MIDN: variants seen among roughly 807,000 people sequenced by gnomAD.
The protein encoded by MIDN is midbrain nucleolar protein.
Under a neutral mutation model 46.1 loss-of-function variants are expected in MIDN, and 26 were observed. That is an observed-to-expected ratio of 0.56 (90% CI 0.41 to 0.78). The LOEUF is 0.78. Among genes scored for constraint, MIDN ranks in the 30% least tolerant of loss-of-function variants. The pLI is 0.00. For missense variants in MIDN, 850 were observed against 771.8 expected (o/e 1.10, Z -1.20); for synonymous variants, 432 against 343.3 (o/e 1.26, Z -2.86).
Position 1,257,219 on chromosome 19 carries a change from G to A in MIDN, c.1483G>A (p.Val495Met), listed in dbSNP as rs1344096619. 19 of 1,612,098 alleles carry A rather than the reference G, an allele frequency of 1.2e-5. No individual in the cohort carries two copies. The highest frequency in any genetic ancestry group is 1.0e-4 in the Admixed American group (6 of 59,990). ...SGLGLDFEDS[V>M]WKPEVNPDIK... ...CTTGGGCCTCGACTTCGAGGACTCC[G>A]TGTGGAAGCCAGAAGTCAACCCTGA... Residue 495 changes from valine to methionine, a missense_variant, in exon 9 of 9, where the codon GTG becomes ATG. Transcript: ENST00000682408.
chr19:1,254,082 G>T lies in MIDN; in HGVS notation c.513G>T (p.Gln171His). ...CAGAGAGGGGCGGCGAGAGGCCCCAGGTCACAGCGCGGGGGGACTGGGCCG... is the reference window on the plus strand; with the variant it reads ...CAGAGAGGGGCGGCGAGAGGCCCCATGTCACAGCGCGGGGGGACTGGGCCG... ...QSPERGGERP[Q>H]VSDFLSGRSP... The change falls in exon 5 of 9, where the codon CAG (glutamine) becomes CAT (histidine). Residue 171 changes from glutamine to histidine, a missense_variant and splice_region_variant. Physicochemically the swap from Gln to His is conservative, Grantham distance 24. Coordinates refer to ENST00000682408, the MANE Select transcript of MIDN (RefSeq NM_001388306.1). The T allele has an allele frequency of 6.7e-7, 1 of 1,500,746 alleles. No homozygotes were observed. Among genetic ancestry groups the T allele is most frequent in the Admixed American group, 2.3e-5 (1 of 43,116 alleles). 93.0% of individuals were successfully genotyped at this position (1,500,746 alleles called of 1,614,324 possible).
At chr19:1,249,854 A>C (rs962371970) in intron 1 of MIDN, 36 bp from the exon 2 acceptor site, 5 of 151,686 alleles carry the variant, frequency 3.3e-5, no homozygotes, top group Admixed American at 1.3e-4. Context: ...ACGTTGATAC[A>C]TTATAACTTT....
At chr19:1,255,106 C>G in intron 7 of MIDN, 45 bp downstream of exon 7, 1 of 1,584,266 alleles carries the variant, frequency 6.3e-7, no homozygotes, top group Non-Finnish European at 8.6e-7. Flanking sequence ...GTCCCGTGAC[C>G]CTGTGCATTT....
chr19:1,251,257 T>C (rs1599976065), intron 2 of MIDN: 1 of 357,554 alleles, frequency 2.8e-6, no homozygotes, highest in East Asian at 6.0e-5. Flanking sequence ...TGGGGGAAGG[T>C]GGCATAGAGC....
rs1385566141 is a variant in MIDN, at chr19:1,257,403, C to T, written c.*131C>T. On this transcript the variant is annotated 3_prime_UTR_variant, in exon 9 of 9. Transcript: ENST00000682408. ...CTCCCCCAGCCAGAAGTCTTTTTTT[C>T]TTTTCTTCTTTTTTATTATTTTTTT... 6.0e-6 allele frequency: 4 copies of T among 672,240 alleles called. No individual in the cohort carries two copies. Among genetic ancestry groups the T allele is most frequent in the Admixed American group, 3.3e-5 (1 of 30,588 alleles). The allele number at this position is 672,240 out of a possible 1,614,324, so 41.6% of individuals were successfully genotyped here.
At chr19:1,249,807 T>G (rs1489169655) in intron 1 of MIDN, 83 bp from the exon 2 acceptor site, 1 of 150,432 alleles carries the variant, frequency 6.6e-6, no homozygotes, top group African/African-American at 2.4e-5. Context: ...GCGGAGTAAG[T>G]AGTGAATGGG....
In MIDN at chr19:1,250,679, C is replaced by A. The variant is rs550769627; in HGVS notation, c.233+150C>A. Reference sequence around the variant, plus strand: ...CTCGGGCGCCCTCTGCTCGGCCTCGCCTGCCTCGGCCCCCTCCCCCGCCCG... The same window carrying A: ...CTCGGGCGCCCTCTGCTCGGCCTCGACTGCCTCGGCCCCCTCCCCCGCCCG... On this transcript the variant is annotated intron_variant, in intron 2 of 8. Transcript: ENST00000682408. 387 of 225,272 alleles carry A rather than the reference C, an allele frequency of 1.7e-3. 7 individuals carry two copies. Among genetic ancestry groups the A allele is most frequent in the African/African-American group, 8.7e-3 (369 of 42,656 alleles). The allele number at this position is 225,272 out of a possible 1,614,324, so 14.0% of individuals were successfully genotyped here.
chr19:1,255,791 C>T lies in MIDN; in HGVS notation c.1258+97C>T, dbSNP rs1049900311. On this transcript the variant is annotated intron_variant, in intron 8 of 8. Coordinates refer to ENST00000682408, the MANE Select transcript of MIDN (RefSeq NM_001388306.1). ...GGTGGGCTCAGGAGCAGCTGACCTG[C>T]CCAGGGGCTGGGGGGGATGGCAGCT... The T allele has an allele frequency of 1.3e-5, 16 of 1,219,436 alleles. No individual in the cohort carries two copies. In the Admixed American group the frequency reaches 3.7e-4, roughly 29 times the overall value. The allele number at this position is 1,219,436 out of a possible 1,614,324, so 75.5% of individuals were successfully genotyped here. A position where few individuals can be genotyped will look rare whatever the true frequency, so the allele number is the denominator to read the frequency against.
rs762221657 is a variant in MIDN, at chr19:1,257,098, C to T, written c.1362C>T (p.Asp454=). The T allele has an allele frequency of 1.9e-5, 30 of 1,611,856 alleles. No homozygotes were observed. The highest frequency in any genetic ancestry group is 1.6e-4 in the Middle Eastern group (1 of 6,082). ...QKRLRRKARR[D]ARGPYHWSPS... ...GGCTCCGTAGAAAGGCCCGGCGGGA[C>T]GCGCGGGGTCCGTACCACTGGTCAC... The change falls in exon 9 of 9, where the codon GAC becomes GAT. Residue 454 remains aspartate, a synonymous_variant. Coordinates refer to ENST00000682408, the MANE Select transcript of MIDN (RefSeq NM_001388306.1).
chr19:1,257,317 G>A lies in MIDN; in HGVS notation c.*45G>A, dbSNP rs764240371. ...CTCGCCCCTCGCACCCCAGCCCAGG[G>A]CGGCGGGGACTCCGAGAGCCCCGGA... On this transcript the variant is annotated 3_prime_UTR_variant, in exon 9 of 9. Transcript: ENST00000682408. The A allele has an allele frequency of 6.4e-7, 1 of 1,571,144 alleles. No homozygotes were observed. The highest frequency in any genetic ancestry group is 2.2e-5 in the East Asian group (1 of 44,586).
rs1599994716 is a variant in MIDN at position 1,257,649 on chromosome 19, C to T, written c.*377C>T. On this transcript the variant is annotated 3_prime_UTR_variant, in exon 9 of 9. Coordinates refer to ENST00000682408, the MANE Select transcript of MIDN (RefSeq NM_001388306.1). Reference sequence around the variant, plus strand: ...GGAGAGTGAAGGAGACGGAGAAACGCGCCCCATCCCTTCCGCCGCCTCCTT... The same window carrying T: ...GGAGAGTGAAGGAGACGGAGAAACGTGCCCCATCCCTTCCGCCGCCTCCTT... 3 of 221,604 alleles carry T rather than the reference C, an allele frequency of 1.4e-5. No individual in the cohort carries two copies. Among genetic ancestry groups the T allele is most frequent in the East Asian group, 1.2e-4 (1 of 8,312 alleles). The allele number at this position is 221,604 out of a possible 1,614,324, so 13.7% of individuals were successfully genotyped here.
In MIDN at chr19:1,257,378, C is replaced by CT; in HGVS notation, c.*107dup. ...CCCAGCCCTGGAGGGCAGGCGGCCA[C>CT]TCCCCCAGCCAGAAGTCTTTTTTTC... On this transcript the variant is annotated 3_prime_UTR_variant, in exon 9 of 9. Transcript: ENST00000682408. 1 of 817,456 alleles carries CT rather than the reference C, an allele frequency of 1.2e-6. No individual in the cohort carries two copies. 50.6% of individuals were successfully genotyped at this position (817,456 alleles called of 1,614,324 possible).
rs79696633 is a variant in MIDN, at chr19:1,255,081, T to C, written c.985+20T>C. On this transcript the variant is annotated intron_variant, in intron 7 of 8. Coordinates refer to ENST00000682408, the MANE Select transcript of MIDN (RefSeq NM_001388306.1). ...TCTCTGGTAGGTGTCACAGCACATG[T>C]GTGAGCTCACGTGTGTCCCGTGACC... 26,330 of 1,605,392 alleles carry C rather than the reference T, an allele frequency of 0.016. 1,495 individuals are homozygous for C. The African/African-American group carries it at 0.19, about 12-fold the overall frequency.
chr19:1,254,789 C>T lies in MIDN; in HGVS notation c.826-113C>T, dbSNP rs1417523009. 4.8e-6 allele frequency: 6 copies of T among 1,262,118 alleles called. No individual in the cohort carries two copies. In the Admixed American group the frequency reaches 6.6e-5, roughly 14 times the overall value. 78.2% of individuals were successfully genotyped at this position (1,262,118 alleles called of 1,614,324 possible). On this transcript the variant is annotated intron_variant, in intron 6 of 8. Transcript: ENST00000682408. ...CCTTGGGCTAGTTTATCTCTAAACC[C>T]TGTGTTGACAGGTCATCTCCTGACC... is the stretch of plus-strand genomic sequence containing the variant.
At chr19:1,255,107 C>A in intron 7 of MIDN, 46 bp downstream of exon 7, 1 of 1,583,024 alleles carries the variant, frequency 6.3e-7, no homozygotes, top group Non-Finnish European at 8.6e-7. Context: ...TCCCGTGACC[C>A]TGTGCATTTG....
intron 8 of MIDN, among the ~76,000 whole-genome samples, chr19:1,256,309 C>T (rs2081198415): frequency 6.6e-6 from 1 of 152,168 alleles, no homozygotes; most frequent in Non-Finnish European, 1.5e-5. Flanking sequence ...TGGTGAAACT[C>T]CGTTTCCACT....
Position 1,250,408 on chromosome 19 carries a change from AC to A in MIDN, c.114del (p.Thr39ArgfsTer58). 1 of 1,339,142 alleles carries A rather than the reference AC, an allele frequency of 7.5e-7. No individual in the cohort carries two copies. 83.0% of individuals were successfully genotyped at this position (1,339,142 alleles called of 1,614,324 possible). A position where few individuals can be genotyped will look rare whatever the true frequency, so the allele number is the denominator to read the frequency against. On this transcript the variant is annotated frameshift_variant, in exon 2 of 9. Transcript: ENST00000682408. LOFTEE classifies it high-confidence loss of function. Reference protein sequence around the residue: ...AAPMSLAIHSTTGTRYDLAVP... With the variant: ...AAPMSLAIHSXTGTRYDLAVP... ...GCCCATGAGCCTCGCCATCCACAGC[AC>A]CACGGGCACCCGCTACGACCTGGCC... is the stretch of plus-strand genomic sequence containing the variant.
At chr19:1,252,795 G>A (rs1396630756) in intron 4 of MIDN, among the ~76,000 whole-genome samples, 4 of 152,038 alleles carry the variant, frequency 2.6e-5, no homozygotes, top group Non-Finnish European at 5.9e-5. Context: ...TCCCTACATC[G>A]CGGGGGCAGG....
chr19:1,253,269 C>A (rs979397940), intron 4 of MIDN, among the ~76,000 whole-genome samples: 1 of 151,758 alleles, frequency 6.6e-6, no homozygotes, highest in African/African-American at 2.4e-5. Context: ...GGGGGCTTCA[C>A]CCTGCCCTCC....
Sources: allele counts gnomAD v4.1 joint callset (sites outside exome capture counted in the v4.1 genomes callset), GRCh38; gene constraint gnomAD v4.1.1; transcripts MANE v1.5; gene names NCBI Gene and HGNC (gene_info 2026-07-23, HGNC 2026-07-21).